SORCS2: variants seen among roughly 807,000 people sequenced by gnomAD.
SORCS2 encodes the protein VPS10 domain-containing receptor SorCS2.
A neutral mutation model predicts 141.6 loss-of-function variants in SORCS2; 100 were observed. The observed-to-expected ratio is 0.71, with a 90% CI of 0.60 to 0.83. The LOEUF is 0.83. Ranked by LOEUF, SORCS2 falls within the 40% of genes least tolerant of loss-of-function variation. The pLI is 0.00. For missense variants in SORCS2, 1,646 were observed against 1,560.2 expected (o/e 1.05, Z -0.93); for synonymous variants, 789 against 676.9 (o/e 1.17, Z -2.57).
At chr4:7,255,918 G>T (rs1344488662) in intron 1 of SORCS2, among the ~76,000 whole-genome samples, 13 of 7,486 alleles carry the variant, frequency 1.7e-3, no homozygotes, top group African/African-American at 3.3e-3. Flanking sequence ...GTGGGGCCCC[G>T]GGGCTGGAGC....
chr4:7,306,585 C>T lies in SORCS2; in HGVS notation c.481-89703C>T, dbSNP rs562652402. ...GCGACACTCTAAGGAATATGGCTCTCAGGCCACTGAAGGGCGGTTCCCGTG... is the reference window on the plus strand; with the variant it reads ...GCGACACTCTAAGGAATATGGCTCTTAGGCCACTGAAGGGCGGTTCCCGTG... On this transcript the variant is annotated intron_variant, in intron 1 of 26. Coordinates refer to ENST00000507866, the MANE Select transcript of SORCS2 (RefSeq NM_020777.3). Among the ~76,000 whole-genome samples the T allele has an allele frequency of 4.6e-5, 7 of 152,320 alleles. No homozygotes were observed. In the East Asian group the frequency reaches 1.4e-3, roughly 29 times the overall value.
At chr4:7,291,096 A>G (rs1421141453) in intron 1 of SORCS2, among the ~76,000 whole-genome samples, 8 of 152,120 alleles carry the variant, frequency 5.3e-5, no homozygotes, top group Non-Finnish European at 1.2e-4. Context: ...GGGGGACAGC[A>G]TGTGCAAAGG....
intron 2 of SORCS2, among the ~76,000 whole-genome samples, chr4:7,520,150 C>T (rs755627218): frequency 2.6e-4 from 39 of 152,326 alleles, no homozygotes; most frequent in South Asian, 8.3e-4. Context: ...TACAGTTGCA[C>T]GGCACCGCTG....
At chr4:7,556,370 C>G (rs1481602059) in intron 3 of SORCS2, among the ~76,000 whole-genome samples, 5 of 152,026 alleles carry the variant, frequency 3.3e-5, no homozygotes, top group African/African-American at 9.7e-5. Context: ...GCAAAGAGCT[C>G]CAGGGGGCGC....
At chr4:7,483,414 G>A (rs116077337) in intron 2 of SORCS2, among the ~76,000 whole-genome samples, 2,611 of 151,724 alleles carry the variant, frequency 0.017, 47 homozygotes, top group African/African-American at 0.051. Flanking sequence ...GCCAAAGAAC[G>A]CAGGAGTTTG....
intron 2 of SORCS2, among the ~76,000 whole-genome samples, chr4:7,503,449 T>C (rs1211623848): frequency 6.6e-6 from 1 of 151,690 alleles, no homozygotes; most frequent in Middle Eastern, 3.2e-3. Flanking sequence ...GAGATGGAGA[T>C]AGAGACATAG....
chr4:7,505,699 C>T (rs901461886), intron 2 of SORCS2, among the ~76,000 whole-genome samples: 3 of 152,046 alleles, frequency 2.0e-5, no homozygotes, highest in Non-Finnish European at 2.9e-5. Context: ...AGCGGGAACA[C>T]GAGGACGCAG....
chr4:7,611,536 A>T (rs971318454), intron 3 of SORCS2, among the ~76,000 whole-genome samples: 1 of 152,168 alleles, frequency 6.6e-6, no homozygotes, highest in Non-Finnish European at 1.5e-5. Context: ...GATCTGAAAC[A>T]TCACCCAAGG....
At position 7,412,639 on chromosome 4, in the gene SORCS2, C is replaced by G. The variant is rs563048276; in HGVS notation, c.548+16284C>G. ...TCTCTCAGGGTTGGTCCTCCCAGCT[C>G]TAGAGGATTCTCCCTCCAGAGTTCT... is the stretch of plus-strand genomic sequence containing the variant. On this transcript the variant is annotated intron_variant, in intron 2 of 26. Transcript: ENST00000507866. Among the ~76,000 whole-genome samples the G allele has an allele frequency of 9.2e-5, 14 of 152,230 alleles. No individual in the cohort carries two copies. The East Asian group carries it at 2.5e-3, about 27-fold the overall frequency.
chr4:7,657,407 A>G lies in SORCS2; in HGVS notation c.887+3200A>G, dbSNP rs148346023. ...GGATGAGTAAATAACTGAGTGTGTG[A>G]TTGAGTGAGGGAATGAACGAGTGAA... On this transcript the variant is annotated intron_variant, in intron 5 of 26. Transcript: ENST00000507866. 1.7e-3 allele frequency among the ~76,000 whole-genome samples: 253 copies of G among 152,198 alleles called. 3 individuals are homozygous for G. Among genetic ancestry groups the G allele is most frequent in the African/African-American group, 5.9e-3 (244 of 41,532 alleles).
intron 12 of SORCS2, among the ~76,000 whole-genome samples, chr4:7,699,496 A>T (rs1724921296): frequency 6.6e-6 from 1 of 152,038 alleles, no homozygotes; most frequent in Non-Finnish European, 1.5e-5. Flanking sequence ...GCTCAGTACC[A>T]AAGGGAAATT....
At chr4:7,640,441 TGA>T (rs1251395439) in intron 4 of SORCS2, among the ~76,000 whole-genome samples, 1 of 143,922 alleles carries the variant, frequency 6.9e-6, no homozygotes, top group Non-Finnish European at 1.5e-5. Context: ...TGAGTCTACA[TGA>T]GTGTGTGGGT....
chr4:7,338,188 ATGT>A (rs1164072971), intron 1 of SORCS2, among the ~76,000 whole-genome samples: 16 of 133,464 alleles, frequency 1.2e-4, no homozygotes, highest in East Asian at 4.5e-4. Flanking sequence ...TGGATGTTGG[ATGT>A]TGGATGGATG....
Position 7,740,894 on chromosome 4 carries a change from C to T in SORCS2, c.*630C>T, listed in dbSNP as rs1712618110. On this transcript the variant is annotated 3_prime_UTR_variant, in exon 27 of 27. Transcript: ENST00000507866. ...CTGTCTTTATAGCCGGCGGTAGCCA[C>T]CGGGGTGGCTCTGTCAGAGTTCCGT... is the stretch of plus-strand genomic sequence containing the variant. 2.5e-6 allele frequency: 1 copy of T among 398,012 alleles called. No homozygotes were observed. The highest frequency in any genetic ancestry group is 2.1e-5 in the African/African-American group (1 of 48,734). 24.7% of individuals were successfully genotyped at this position (398,012 alleles called of 1,614,324 possible). A position where few individuals can be genotyped will look rare whatever the true frequency, so the allele number is the denominator to read the frequency against.
intron 1 of SORCS2, among the ~76,000 whole-genome samples, chr4:7,348,587 T>G (rs1232110651): frequency 6.6e-6 from 1 of 152,224 alleles, no homozygotes. Context: ...GTTTCACTCT[T>G]GTTGCCCAGG....
In SORCS2 at chr4:7,428,664, G is replaced by T. The variant is rs540017412; in HGVS notation, c.548+32309G>T. ...TAGGGCCAAACAAAGGCCCTGGGGT[G>T]GGCCTGGGGTGTGTGCAAGGCCAGG... On this transcript the variant is annotated intron_variant, in intron 2 of 26. Transcript: ENST00000507866. Among the ~76,000 whole-genome samples, 3 of 152,328 alleles carry T rather than the reference G, an allele frequency of 2.0e-5. No homozygotes were observed. In the East Asian group the frequency reaches 5.8e-4, roughly 29 times the overall value.
chr4:7,574,436 C>T (rs977559523), intron 3 of SORCS2, among the ~76,000 whole-genome samples: 1 of 152,222 alleles, frequency 6.6e-6, no homozygotes. Context: ...CGTGTTCTTC[C>T]AGCTCTCGCC....
intron 1 of SORCS2, among the ~76,000 whole-genome samples, chr4:7,361,441 G>A (rs368162273): frequency 1.8e-4 from 27 of 152,184 alleles, no homozygotes; most frequent in African/African-American, 6.0e-4. Context: ...TCCTCCTTGG[G>A]AGCACGACTT....
intron 1 of SORCS2, among the ~76,000 whole-genome samples, chr4:7,360,583 T>TTTTTTTTTTG (rs1721523782): frequency 8.2e-6 from 1 of 121,686 alleles, no homozygotes; most frequent in Non-Finnish European, 1.7e-5. Flanking sequence ...TTTTTTTTTT[T>TTTTTTTTTTG]TTTTTTTTTT....
Sources: gnomAD v4.1 joint callset for allele counts (sites outside exome capture counted in the v4.1 genomes callset) on GRCh38, gnomAD v4.1.1 for gene constraint, MANE v1.5 for transcripts, NCBI Gene and HGNC (gene_info 2026-07-23, HGNC 2026-07-21) for gene names.